Variants in CTIF observed in about 807,000 individuals in gnomAD.
CTIF encodes the protein cap binding complex dependent translation initiation factor, also known as CBP80/20-dependent translation initiation factor.
A neutral mutation model predicts 66.0 loss-of-function variants in CTIF; 21 were observed. The observed-to-expected ratio is 0.32, with a 90% confidence interval of 0.23 to 0.46. The LOEUF (loss-of-function observed/expected upper bound fraction) is 0.46, where lower values mean the gene tolerates loss of function less well. Ranked by LOEUF, CTIF falls within the 20% of genes least tolerant of loss-of-function variation. CTIF has a pLI of 1.00. For synonymous variants in CTIF, 345 were observed against 326.4 expected (o/e 1.06, Z -0.62); for missense variants, 739 against 812.7 (o/e 0.91, Z 1.10).
At chr18:48,705,148 C>T (rs1186083630) in intron 6 of CTIF, among the ~76,000 whole-genome samples, 1 of 152,216 alleles carries the variant, frequency 6.6e-6, no homozygotes, top group Non-Finnish European at 1.5e-5. Context: ...TCCACGGGCA[C>T]AGCCTGACCC....
chr18:48,856,499 A>G (rs796205856), intron 10 of CTIF, among the ~76,000 whole-genome samples: 8 of 152,384 alleles, frequency 5.2e-5, no homozygotes, highest in African/African-American at 1.9e-4. Flanking sequence ...TAAAAGGTGG[A>G]AACAACGCAA....
At chr18:48,588,434 C>G (rs1239838795) in intron 1 of CTIF, among the ~76,000 whole-genome samples, 1 of 152,240 alleles carries the variant, frequency 6.6e-6, no homozygotes, top group African/African-American at 2.4e-5. Context: ...CAATCCAGCT[C>G]CCACTTGGCT....
At chr18:48,827,368 G>C (rs1276091093) in intron 10 of CTIF, among the ~76,000 whole-genome samples, 1 of 152,178 alleles carries the variant, frequency 6.6e-6, no homozygotes, top group Non-Finnish European at 1.5e-5. Context: ...GTAACTCAGT[G>C]CCCGGAGGAG....
rs192347814 is a variant in CTIF, at chr18:48,660,046, T to C, written c.253-3706T>C. On this transcript the variant is annotated intron_variant, in intron 3 of 11. Transcript: ENST00000256413. ...ACTGCCATGGCTCTTGGAGGAGCAC[T>C]GGTTGCCACCGTGACTCCACCACCT... Among the ~76,000 whole-genome samples the C allele has an allele frequency of 7.7e-3, 1,143 of 149,180 alleles. 8 individuals are homozygous for C. Among genetic ancestry groups the C allele is most frequent in the African/African-American group, 0.025 (988 of 40,262 alleles).
intron 1 of CTIF, among the ~76,000 whole-genome samples, chr18:48,605,445 C>T (rs934580894): frequency 2.6e-5 from 4 of 152,202 alleles, no homozygotes; most frequent in African/African-American, 9.7e-5. Context: ...TGGGGGATTT[C>T]TCAGTTAATT....
At chr18:48,638,255 G>C (rs959930451) in intron 3 of CTIF, among the ~76,000 whole-genome samples, 2 of 152,202 alleles carry the variant, frequency 1.3e-5, no homozygotes, top group South Asian at 2.1e-4. Context: ...GCACCAGAGA[G>C]AGGCTTTCAG....
intron 10 of CTIF, among the ~76,000 whole-genome samples, chr18:48,843,536 C>T (rs1478274399): frequency 2.0e-5 from 3 of 152,098 alleles, no homozygotes; most frequent in African/African-American, 7.2e-5. Flanking sequence ...CTAGATGGCC[C>T]TGAGGCCCCA....
At chr18:48,647,489 A>G (rs2091065249) in intron 3 of CTIF, among the ~76,000 whole-genome samples, 1 of 152,250 alleles carries the variant, frequency 6.6e-6, no homozygotes, top group South Asian at 2.1e-4. Context: ...GCATTGAACT[A>G]TACTTTCCCC....
intron 7 of CTIF, among the ~76,000 whole-genome samples, chr18:48,738,344 C>T (rs1300442299): frequency 6.6e-6 from 1 of 152,132 alleles, no homozygotes; most frequent in African/African-American, 2.4e-5. Context: ...TAGCTCAGAA[C>T]CCTCCAGTGG....
intron 6 of CTIF, among the ~76,000 whole-genome samples, chr18:48,682,630 G>T (rs1036705673): frequency 1.3e-5 from 2 of 152,144 alleles, no homozygotes; most frequent in African/African-American, 4.8e-5. Flanking sequence ...TGAGATTTTT[G>T]GTTGGTTGGT....
At chr18:48,819,508 G>GC (rs2068438344) in intron 10 of CTIF, among the ~76,000 whole-genome samples, 1 of 152,196 alleles carries the variant, frequency 6.6e-6, no homozygotes, top group African/African-American at 2.4e-5. Flanking sequence ...CTGTAGCCGA[G>GC]CGCCGGCCCT....
chr18:48,682,681 G>A (rs1376417081), intron 6 of CTIF, among the ~76,000 whole-genome samples: 1 of 152,210 alleles, frequency 6.6e-6, no homozygotes, highest in African/African-American at 2.4e-5. Flanking sequence ...AAAGAATTGT[G>A]CCCTGTTTGA....
chr18:48,846,808 AGGAT>A (rs1278892076), intron 10 of CTIF, among the ~76,000 whole-genome samples: 3 of 137,690 alleles, frequency 2.2e-5, no homozygotes, highest in Non-Finnish European at 4.7e-5. Context: ...CATGGATGAA[AGGAT>A]GGATGGATGG....
chr18:48,859,433 C>G lies in CTIF; in HGVS notation c.1671C>G (p.Pro557=). 2 of 1,614,198 alleles carry G rather than the reference C, an allele frequency of 1.2e-6. No homozygotes were observed. Among genetic ancestry groups the G allele is most frequent in the Non-Finnish European group, 1.7e-6 (2 of 1,180,030 alleles). Residue 557 remains proline, a synonymous_variant, in exon 12 of 12, where the codon CCC becomes CCG. Coordinates refer to ENST00000256413, the MANE Select transcript of CTIF (RefSeq NM_014772.3). ...LASARDKMLC[P]SESMLTRSLL... ...GCGCACGGGACAAGATGCTGTGCCC[C>G]TCGGAGTCCATGCTGACCCGGTCGC... is the stretch of plus-strand genomic sequence containing the variant.
intron 1 of CTIF, among the ~76,000 whole-genome samples, chr18:48,547,507 C>T (rs981747097): frequency 1.3e-5 from 2 of 152,200 alleles, no homozygotes; most frequent in African/African-American, 2.4e-5. Flanking sequence ...ACTGCAGCAG[C>T]GCTTGGTTCC....
intron 10 of CTIF, among the ~76,000 whole-genome samples, chr18:48,819,969 C>G (rs543658640): frequency 6.6e-6 from 1 of 151,744 alleles, no homozygotes; most frequent in Non-Finnish European, 1.5e-5. Flanking sequence ...ACAACGAGGC[C>G]GGAGGATGGA....
At chr18:48,614,929 C>T (rs916755880) in intron 1 of CTIF, among the ~76,000 whole-genome samples, 22 of 152,142 alleles carry the variant, frequency 1.4e-4, no homozygotes, top group Non-Finnish European at 3.1e-4. Context: ...CAGACAGAAA[C>T]TCACTCTGTC....
chr18:48,675,890 C>T (rs1040968495), intron 6 of CTIF, among the ~76,000 whole-genome samples: 19 of 152,282 alleles, frequency 1.2e-4, no homozygotes, highest in South Asian at 6.2e-4. Flanking sequence ...TAGTCTAAGC[C>T]GAGTTAATTT....
At chr18:48,690,731 C>T (rs16949786) in intron 6 of CTIF, among the ~76,000 whole-genome samples, 13,905 of 151,566 alleles carry the variant, frequency 0.092, 1,796 homozygotes, top group African/African-American at 0.29. Flanking sequence ...AACACAGGAG[C>T]CTGCCCCGCT....
Sources: allele counts gnomAD v4.1 joint callset (sites outside exome capture counted in the v4.1 genomes callset), GRCh38; gene constraint gnomAD v4.1.1; transcripts MANE v1.5; gene names NCBI Gene and HGNC (gene_info 2026-07-23, HGNC 2026-07-21).